The following KANK1 variants were observed in gnomAD, a reference collection of about 807,000 sequenced individuals.
KANK1 encodes KN motif and ankyrin repeat domains 1.
A neutral mutation model predicts 106.2 loss-of-function variants in KANK1; 109 were observed. That is an observed-to-expected ratio of 1.03 (90% CI 0.88 to 1.20). The LOEUF is 1.20. KANK1 is among the 50% of genes most tolerant of loss of function. The pLI, the probability that KANK1 is intolerant of heterozygous loss-of-function variation, is 0.00. For missense variants in KANK1, 2,399 were observed against 1,710.7 expected (o/e 1.40, Z -7.10); for synonymous variants, 873 against 652.2 (o/e 1.34, Z -5.16).
At chr9:670,041 C>G (rs986582705) in intron 1 of KANK1, among the ~76,000 whole-genome samples, 7 of 152,210 alleles carry the variant, frequency 4.6e-5, no homozygotes, top group African/African-American at 1.7e-4. Flanking sequence ...TTTCAGTTAG[C>G]AAATATATTT....
chr9:480,171 A>C (rs1476308564), intron 3 of KANK1, among the ~76,000 whole-genome samples: 1 of 152,220 alleles, frequency 6.6e-6, no homozygotes, highest in Non-Finnish European at 1.5e-5. Flanking sequence ...AGCTGTGAAA[A>C]TGTCTAGGCT....
intron 1 of KANK1, among the ~76,000 whole-genome samples, chr9:557,618 C>G (rs949847807): frequency 6.6e-6 from 1 of 152,118 alleles, no homozygotes; most frequent in South Asian, 2.1e-4. Context: ...CTCATGGCCA[C>G]AGATAGTAAT....
chr9:691,443 T>A (rs1242639272), intron 2 of KANK1, among the ~76,000 whole-genome samples: 1 of 150,710 alleles, frequency 6.6e-6, no homozygotes, highest in Non-Finnish European at 1.5e-5. Flanking sequence ...TTTTTTTTAA[T>A]AGAGACAAGG....
chr9:575,801 T>A (rs897809919), intron 1 of KANK1, among the ~76,000 whole-genome samples: 2 of 152,186 alleles, frequency 1.3e-5, no homozygotes, highest in African/African-American at 4.8e-5. Context: ...GCGGGCCCGA[T>A]CACTTGAGGT....
In KANK1 at chr9:721,648, T is replaced by A. The variant is rs939429968; in HGVS notation, c.2698+8184T>A. On this transcript the variant is annotated intron_variant, in intron 3 of 11. Transcript: ENST00000382297. ...TTTTTTGGATAAGGTCATCTGCTGA[T>A]AACTCAATAATTGATTGGTTCTCAG... 6.3e-4 allele frequency among the ~76,000 whole-genome samples: 96 copies of A among 152,368 alleles called. 1 individual carries two copies. Among genetic ancestry groups the A allele is most frequent in the African/African-American group, 2.1e-3 (89 of 41,594 alleles).
intron 1 of KANK1, among the ~76,000 whole-genome samples, chr9:605,408 GGGCATCTAAAACA>G (rs775787048): frequency 2.0e-5 from 3 of 151,770 alleles, no homozygotes; most frequent in Non-Finnish European, 2.9e-5. Context: ...TCAGATGAAG[GGGCATCTAAAACA>G]GGCAGAGAGC....
intron 2 of KANK1, among the ~76,000 whole-genome samples, chr9:700,292 C>G (rs1354021425): frequency 2.6e-5 from 4 of 152,164 alleles, no homozygotes; most frequent in Non-Finnish European, 5.9e-5. Context: ...TGTGTGTTCT[C>G]TAACAAATGG....
intron 1 of KANK1, among the ~76,000 whole-genome samples, chr9:542,238 C>T (rs1463313798): frequency 6.6e-6 from 1 of 151,880 alleles, no homozygotes; most frequent in Non-Finnish European, 1.5e-5. Context: ...GTGGCTCATG[C>T]CTGTAAATCC....
intron 4 of KANK1, chr9:730,564 A>G (rs111248453): frequency 2.0e-5 from 7 of 351,176 alleles, no homozygotes; most frequent in African/African-American, 1.3e-4. Context: ...ATGGTGGTGC[A>G]CACCTGTAGT....
chr9:599,443 C>G (rs560324883), intron 1 of KANK1, among the ~76,000 whole-genome samples: 2 of 151,976 alleles, frequency 1.3e-5, no homozygotes, highest in African/African-American at 4.8e-5. Flanking sequence ...ATACATCCTT[C>G]TACATGTTTT....
At chr9:722,581 T>G (rs976355675) in intron 3 of KANK1, among the ~76,000 whole-genome samples, 2 of 152,198 alleles carry the variant, frequency 1.3e-5, no homozygotes, top group African/African-American at 4.8e-5. Flanking sequence ...TGCCTACAAC[T>G]ACAAGTGGGT....
chr9:687,176 A>G (rs764881264), intron 2 of KANK1, among the ~76,000 whole-genome samples: 1 of 152,096 alleles, frequency 6.6e-6, no homozygotes, highest in African/African-American at 2.4e-5. Context: ...ATACAGATGT[A>G]TTTGGCAGAA....
chr9:537,308 A>C (rs2060351524), intron 1 of KANK1, among the ~76,000 whole-genome samples: 1 of 152,122 alleles, frequency 6.6e-6, no homozygotes, highest in Non-Finnish European at 1.5e-5. Context: ...CCTCCTCTCC[A>C]CTTGACACTT....
chr9:591,536 C>T (rs547604306), intron 1 of KANK1, among the ~76,000 whole-genome samples: 1 of 151,852 alleles, frequency 6.6e-6, no homozygotes, highest in African/African-American at 2.4e-5. Flanking sequence ...CCCCACTGGT[C>T]TCTTCTCAGT....
At chr9:507,046 C>G (rs1453146226) in intron 1 of KANK1, among the ~76,000 whole-genome samples, 1 of 151,942 alleles carries the variant, frequency 6.6e-6, no homozygotes, top group South Asian at 2.1e-4. Flanking sequence ...CTACACTTCT[C>G]ACTCACCCTT....
intron 1 of KANK1, among the ~76,000 whole-genome samples, chr9:557,449 A>G (rs2061666260): frequency 6.6e-6 from 1 of 152,204 alleles, no homozygotes; most frequent in Non-Finnish European, 1.5e-5. Context: ...TAGAACAAAA[A>G]TGAATGTGGA....
Position 744,623 on chromosome 9 carries a change from C to T in KANK1, c.3996+34C>T, listed in dbSNP as rs116022009. The T allele has an allele frequency of 1.6e-3, 2,651 of 1,614,026 alleles. 41 individuals carry two copies. In the African/African-American group the frequency reaches 0.03, roughly 18 times the overall value. ...TGTGCATTTGGCATTTGTAAATAGG[C>T]TGAAATCCACCAGACTGGTGGACCC... is the stretch of plus-strand genomic sequence containing the variant. On this transcript the variant is annotated intron_variant, in intron 11 of 11. Transcript: ENST00000382297.
chr9:602,227 T>A lies in KANK1; in HGVS notation c.-83-74663T>A, dbSNP rs1262350336. On this transcript the variant is annotated intron_variant, in intron 1 of 11. Transcript: ENST00000382297. Reference sequence around the variant, plus strand: ...CAATAACTATTCCTGAGTTTCTGACTCTCATTTTTAGCCCATTCCATTTTT... The same window carrying A: ...CAATAACTATTCCTGAGTTTCTGACACTCATTTTTAGCCCATTCCATTTTT... Among the ~76,000 whole-genome samples, 3 of 151,974 alleles carry A rather than the reference T, an allele frequency of 2.0e-5. No homozygotes were observed. In the South Asian group the frequency reaches 6.2e-4, roughly 32 times the overall value.
intron 1 of KANK1, among the ~76,000 whole-genome samples, chr9:580,457 G>A (rs1322190976): frequency 6.6e-6 from 1 of 152,212 alleles, no homozygotes; most frequent in Non-Finnish European, 1.5e-5. Flanking sequence ...CCCACATCCT[G>A]TTGATTGGTC....
Sources: gnomAD v4.1 joint callset for allele counts (sites outside exome capture counted in the v4.1 genomes callset) on GRCh38, gnomAD v4.1.1 for gene constraint, MANE v1.5 for transcripts, NCBI Gene and HGNC (gene_info 2026-07-23, HGNC 2026-07-21) for gene names.